Variants in WIPF2 observed in about 807,000 individuals in gnomAD.
WIPF2 encodes WAS/WASL interacting protein family member 2.
WIPF2 carries 23 observed loss-of-function variants against 38.8 expected under a neutral mutation model. The observed-to-expected ratio is 0.59, with a 90% CI of 0.43 to 0.84. The LOEUF (loss-of-function observed/expected upper bound fraction) is 0.84, where lower values mean the gene tolerates loss of function less well. WIPF2 is among the 40% of genes least tolerant of loss of function. The pLI, the probability that WIPF2 is intolerant of heterozygous loss-of-function variation, is 0.00. For missense variants in WIPF2, 574 were observed against 580.5 expected, an observed-to-expected ratio of 0.99 and a Z score of 0.11; for synonymous variants, 210 against 223.2, an observed-to-expected ratio of 0.94 and a Z score of 0.53.
intron 1 of WIPF2, among the ~76,000 whole-genome samples, chr17:40,242,440 C>T (rs80072019): frequency 6.6e-6 from 1 of 152,100 alleles, no homozygotes; most frequent in Admixed American, 6.6e-5. Context: ...TTGAGACAGT[C>T]TCACTCTGTT....
chr17:40,230,408 T>A (rs935944711), intron 1 of WIPF2, among the ~76,000 whole-genome samples: 1 of 152,160 alleles, frequency 6.6e-6, no homozygotes, highest in Non-Finnish European at 1.5e-5. Flanking sequence ...AGGGCTTTTT[T>A]TTTTCCTGTC....
At chr17:40,263,834 C>T (rs1468607496) in intron 4 of WIPF2, among the ~76,000 whole-genome samples, 11 of 151,584 alleles carry the variant, frequency 7.3e-5, no homozygotes, top group African/African-American at 2.4e-4. Flanking sequence ...TGAGCCACTG[C>T]GCCTGTTGTA....
chr17:40,246,597 A>G (rs187855343), intron 1 of WIPF2, among the ~76,000 whole-genome samples: 3 of 150,770 alleles, frequency 2.0e-5, no homozygotes, highest in Non-Finnish European at 2.9e-5. Flanking sequence ...TGGTTTCACT[A>G]TGTTGGCCAG....
chr17:40,267,841 A>G (rs758881817), intron 5 of WIPF2, among the ~76,000 whole-genome samples: 8 of 152,140 alleles, frequency 5.3e-5, no homozygotes, highest in Non-Finnish European at 7.4e-5. Flanking sequence ...TAGAACATTG[A>G]TTAAGGAGTT....
intron 1 of WIPF2, among the ~76,000 whole-genome samples, chr17:40,246,711 CTT>C (rs2031378577): frequency 6.6e-6 from 1 of 152,054 alleles, no homozygotes. Context: ...CTGTGCTACT[CTT>C]ATATTTACTT....
At chr17:40,241,389 T>C (rs2031186388) in intron 1 of WIPF2, among the ~76,000 whole-genome samples, 1 of 152,220 alleles carries the variant, frequency 6.6e-6, no homozygotes, top group Non-Finnish European at 1.5e-5. Context: ...CTCCTTAGCC[T>C]TCCCCTAATA....
rs2032547196 is a variant in WIPF2 at position 40,281,633 on chromosome 17, A to C, written c.*3408A>C. ...AACTCCCTCACCCCATGGCTTCCCA[A>C]CTTGAAACCCAGATTTACCTCCAGG... On this transcript the variant is annotated 3_prime_UTR_variant, in exon 8 of 8. Transcript: ENST00000323571. 6.5e-6 allele frequency: 1 copy of C among 152,726 alleles called. No individual in the cohort carries two copies. The highest frequency in any genetic ancestry group is 2.4e-5 in the African/African-American group (1 of 41,566). 9.5% of individuals were successfully genotyped at this position (152,726 alleles called of 1,614,324 possible). A position where few individuals can be genotyped will look rare whatever the true frequency, so the allele number is the denominator to read the frequency against.
chr17:40,256,423 C>G lies in WIPF2; in HGVS notation c.-37C>G. The G allele has an allele frequency of 6.3e-7, 1 of 1,593,518 alleles. No individual in the cohort carries two copies. Among genetic ancestry groups the G allele is most frequent in the Non-Finnish European group, 8.5e-7 (1 of 1,173,352 alleles). On this transcript the variant is annotated 5_prime_UTR_variant, in exon 2 of 8. Coordinates refer to ENST00000323571, the MANE Select transcript of WIPF2 (RefSeq NM_133264.5). ...AATGACCTAAAGGTACAAATAAAGA[C>G]GGAGAGAGAACAGTGCCAACTGGGA...
At chr17:40,230,015 C>A (rs986430240) in intron 1 of WIPF2, among the ~76,000 whole-genome samples, 10 of 152,104 alleles carry the variant, frequency 6.6e-5, no homozygotes, top group Non-Finnish European at 1.5e-4. Flanking sequence ...AGGTAGGAGG[C>A]AAGGCTTCAG....
In WIPF2 at chr17:40,264,603, G is replaced by C; in HGVS notation, c.427G>C (p.Ala143Pro). 6.2e-7 allele frequency: 1 copy of C among 1,614,128 alleles called. No individual in the cohort carries two copies. The highest frequency in any genetic ancestry group is 1.1e-5 in the South Asian group (1 of 91,090). Residue 143 changes from alanine to proline, a missense_variant, in exon 5 of 8, where the codon GCC (alanine) becomes CCC (proline). Coordinates refer to ENST00000323571, the MANE Select transcript of WIPF2 (RefSeq NM_133264.5). ...RPQDDTDSSR[A>P]SLPELPRMQR... Reference sequence around the variant, plus strand: ...TCAGGATGATACAGACAGCAGCCGGGCCTCACTCCCAGAACTGCCCCGGAT... The same window carrying C: ...TCAGGATGATACAGACAGCAGCCGGCCCTCACTCCCAGAACTGCCCCGGAT...
chr17:40,224,075 T>C (rs916955362), intron 1 of WIPF2, among the ~76,000 whole-genome samples: 12 of 151,842 alleles, frequency 7.9e-5, no homozygotes, highest in Admixed American at 5.9e-4. Context: ...TATGTACTTA[T>C]TTGGGAGTAA....
chr17:40,231,097 G>C (rs2030721840), intron 1 of WIPF2, among the ~76,000 whole-genome samples: 1 of 152,118 alleles, frequency 6.6e-6, no homozygotes, highest in Admixed American at 6.6e-5. Context: ...TGACTTAGCA[G>C]CCCATCACTA....
chr17:40,243,419 C>A (rs541742854), intron 1 of WIPF2, among the ~76,000 whole-genome samples: 1 of 152,250 alleles, frequency 6.6e-6, no homozygotes, highest in South Asian at 2.1e-4. Context: ...GAAAGAATTT[C>A]ATCATTCAGT....
rs896117757 is a variant in WIPF2, at chr17:40,273,820, A to G, written c.1001A>G (p.Asn334Ser). ...APPPPPPVIRNGARDAPPPPP... is the reference protein window; with the variant it reads ...APPPPPPVIRSGARDAPPPPP... ...CCACCCCCACCACCTGTGATCCGAA[A>G]TGGTGCCAGGGATGCTCCCCCTCCC... The change falls in exon 6 of 8, where the codon AAT becomes AGT. Residue 334 changes from asparagine (N) to serine (S), a missense_variant. Transcript: ENST00000323571. 3.7e-6 allele frequency: 6 copies of G among 1,608,518 alleles called. No homozygotes were observed. The African/African-American group carries it at 6.7e-5, about 18-fold the overall frequency.
chr17:40,267,740 G>A (rs539279846), intron 5 of WIPF2, among the ~76,000 whole-genome samples: 3 of 152,168 alleles, frequency 2.0e-5, no homozygotes, highest in African/African-American at 7.2e-5. Context: ...GGTTTTCGCC[G>A]TGTTGGCCAG....
Position 40,264,824 on chromosome 17 carries a change from G to A in WIPF2, c.648G>A (p.Arg216=). The A allele has an allele frequency of 1.2e-6, 2 of 1,613,842 alleles. No homozygotes were observed. Among genetic ancestry groups the A allele is most frequent in the Non-Finnish European group, 1.7e-6 (2 of 1,179,966 alleles). The change falls in exon 5 of 8, where the codon AGG becomes AGA. Residue 216 remains arginine (R), a synonymous_variant. Transcript: ENST00000323571. ...EKPLPPTPGQ[R]LHPGREGPPA... ...CCTTGCCACCGACGCCTGGACAAAG[G>A]CTTCACCCTGGTCGAGAGGGACCTC... is the stretch of plus-strand genomic sequence containing the variant.
intron 1 of WIPF2, among the ~76,000 whole-genome samples, chr17:40,225,735 G>A (rs1368443853): frequency 6.6e-5 from 10 of 151,872 alleles, no homozygotes; most frequent in Admixed American, 6.6e-4. Flanking sequence ...CTGTAGCCTC[G>A]ACCTCCCCAG....
intron 1 of WIPF2, among the ~76,000 whole-genome samples, chr17:40,226,189 TAAA>T (rs1187842305): frequency 2.5e-5 from 3 of 121,460 alleles, no homozygotes; most frequent in African/African-American, 3.1e-5. Context: ...GGATAGTTGG[TAAA>T]AAAAAAAAAA....
At chr17:40,238,377 C>T (rs1257896651) in intron 1 of WIPF2, among the ~76,000 whole-genome samples, 1 of 152,056 alleles carries the variant, frequency 6.6e-6, no homozygotes, top group Non-Finnish European at 1.5e-5. Flanking sequence ...GATCTTGGCT[C>T]ACTGCAACAT....
Sources: allele counts gnomAD v4.1 joint callset (sites outside exome capture counted in the v4.1 genomes callset), GRCh38; gene constraint gnomAD v4.1.1; transcripts MANE v1.5; gene names NCBI Gene and HGNC (gene_info 2026-07-23, HGNC 2026-07-21).